The following TMEM132E variants were observed in gnomAD, a reference collection of about 807,000 sequenced individuals.
TMEM132E encodes transmembrane protein 132E.
A neutral mutation model predicts 78.5 loss-of-function variants in TMEM132E; 49 were observed. That is an observed-to-expected ratio of 0.62 (90% CI 0.50 to 0.79). The LOEUF (loss-of-function observed/expected upper bound fraction) is 0.79, where lower values mean the gene tolerates loss of function less well. Ranked by LOEUF, TMEM132E falls within the 30% of genes least tolerant of loss-of-function variation. TMEM132E has a pLI of 0.00. For missense variants in TMEM132E, 1,403 were observed against 1,470.9 expected (o/e 0.95, Z 0.75); for synonymous variants, 715 against 670.6 (o/e 1.07, Z -1.02).
Position 34,580,995 on chromosome 17 carries a change from G to T in TMEM132E, c.-82G>T. On this transcript the variant is annotated 5_prime_UTR_variant, in exon 1 of 9. Coordinates refer to ENST00000631683, the MANE Select transcript of TMEM132E (RefSeq NM_001304438.2). ...CAGCCGGGCGCCACGGCAGCCCTGAGTTGGATGTGACCAAGCCCAGCCTGG... is the reference window on the plus strand; with the variant it reads ...CAGCCGGGCGCCACGGCAGCCCTGATTTGGATGTGACCAAGCCCAGCCTGG... 1 of 1,250,320 alleles carries T rather than the reference G, an allele frequency of 8.0e-7. No homozygotes were observed. The highest frequency in any genetic ancestry group is 1.5e-5 in the South Asian group (1 of 66,736). 77.5% of individuals were successfully genotyped at this position (1,250,320 alleles called of 1,614,324 possible). A position where few individuals can be genotyped will look rare whatever the true frequency, so the allele number is the denominator to read the frequency against.
At position 34,635,081 on chromosome 17, in the gene TMEM132E, C is replaced by A. The variant is rs1360234182; in HGVS notation, c.1971C>A (p.Pro657=). The change falls in exon 7 of 9, where the codon CCC becomes CCA. Residue 657 remains proline (P), a synonymous_variant. Coordinates refer to ENST00000631683, the MANE Select transcript of TMEM132E (RefSeq NM_001304438.2). The part of the protein sequence containing the change: ...TLAGLEPGTT[P]FKVVSPLTEA... ...CAGGACTGGAGCCAGGCACCACCCC[C>A]TTTAAGGTAGGTATGGGCTCTGTCC... The A allele has an allele frequency of 6.2e-7, 1 of 1,611,650 alleles. No homozygotes were observed. The highest frequency in any genetic ancestry group is 8.5e-7 in the Non-Finnish European group (1 of 1,178,768).
chr17:34,632,905 C>A lies in TMEM132E; in HGVS notation c.1684C>A (p.Arg562=). 6.2e-7 allele frequency: 1 copy of A among 1,614,076 alleles called. No homozygotes were observed. Among genetic ancestry groups the A allele is most frequent in the South Asian group, 1.1e-5 (1 of 91,062 alleles). ...CTGGAGGGTACCTATCCTCCCCGACCGGAGGTACAGCCCCTCTCCCATGGC... is the reference window on the plus strand; with the variant it reads ...CTGGAGGGTACCTATCCTCCCCGACAGGAGGTACAGCCCCTCTCCCATGGC... The part of the protein sequence containing the change: ...KGWRVPILPD[R]RSVRESEDED... Residue 562 remains arginine, a synonymous_variant, in exon 6 of 9, where the codon CGG becomes AGG. Coordinates refer to ENST00000631683, the MANE Select transcript of TMEM132E (RefSeq NM_001304438.2).
At chr17:34,629,918 G>GGC (rs1907295407) in intron 4 of TMEM132E, 90 bp from the exon 5 acceptor site, 2 of 1,414,878 alleles carry the variant, frequency 1.4e-6, no homozygotes, top group East Asian at 5.0e-5. Context: ...GAGGAGTGGG[G>GGC]GGGGAGCGTC....
chr17:34,612,158 G>A (rs1906611680), intron 1 of TMEM132E, among the ~76,000 whole-genome samples: 1 of 152,150 alleles, frequency 6.6e-6, no homozygotes, highest in African/African-American at 2.4e-5. Context: ...TCAGGAAGGG[G>A]GCTGTCCTTC....
chr17:34,601,876 G>A (rs1906252705), intron 1 of TMEM132E, among the ~76,000 whole-genome samples: 3 of 152,140 alleles, frequency 2.0e-5, no homozygotes, highest in South Asian at 2.1e-4. Context: ...CATCCCTGCC[G>A]ATGCCTCAGG....
chr17:34,613,168 T>TA (rs1338414514), intron 1 of TMEM132E, among the ~76,000 whole-genome samples: 17 of 114,884 alleles, frequency 1.5e-4, no homozygotes, highest in Non-Finnish European at 2.4e-4. Context: ...TCTCTCTCTC[T>TA]CTCTCTACAC....
At chr17:34,585,529 T>C (rs920410383) in intron 1 of TMEM132E, among the ~76,000 whole-genome samples, 2 of 152,152 alleles carry the variant, frequency 1.3e-5, no homozygotes, top group Admixed American at 6.5e-5. Flanking sequence ...TCCAACCTCA[T>C]GTGGATGAGG....
intron 4 of TMEM132E, 71 bp from the exon 5 acceptor site, chr17:34,629,936 TG>T: frequency 1.3e-6 from 2 of 1,488,070 alleles, no homozygotes. Flanking sequence ...GTCCAGGAGC[TG>T]GGGCCTTGGC....
Position 34,580,727 on chromosome 17 carries a change from T to C in TMEM132E, c.-350T>C. The C allele has an allele frequency of 4.1e-6, 1 of 242,178 alleles. No individual in the cohort carries two copies. The highest frequency in any genetic ancestry group is 7.9e-6 in the Non-Finnish European group (1 of 125,822). The allele number at this position is 242,178 out of a possible 1,614,324, so 15.0% of individuals were successfully genotyped here. ...CGAGCTGGGCCGTGAGGCCGGGAGATTCAGCACTGGGCTCTAGGTAGCCCC... is the reference window on the plus strand; with the variant it reads ...CGAGCTGGGCCGTGAGGCCGGGAGACTCAGCACTGGGCTCTAGGTAGCCCC... On this transcript the variant is annotated 5_prime_UTR_variant, in exon 1 of 9. Transcript: ENST00000631683.
intron 1 of TMEM132E, among the ~76,000 whole-genome samples, chr17:34,607,375 G>C (rs1405140881): frequency 6.6e-6 from 1 of 152,164 alleles, no homozygotes; most frequent in African/African-American, 2.4e-5. Flanking sequence ...GGGTTGACTT[G>C]GGGAGGACCC....
Position 34,626,948 on chromosome 17 carries a change from C to A in TMEM132E, c.889C>A (p.Arg297Ser), listed in dbSNP as rs990374344. 1 of 1,613,834 alleles carries A rather than the reference C, an allele frequency of 6.2e-7. No individual in the cohort carries two copies. Among genetic ancestry groups the A allele is most frequent in the African/African-American group, 1.3e-5 (1 of 75,054 alleles). ...CAGGCTGGACAGCAACCTGATGATC[C>A]GCCTGCCAGACCGGCCCCTCAAGCC... ...EHRLDSNLMIRLPDRPLKPGE... is the reference protein window; with the variant it reads ...EHRLDSNLMISLPDRPLKPGE... Residue 297 changes from arginine to serine, a missense_variant, in exon 2 of 9, where the codon CGC (arginine) becomes AGC (serine). By Grantham distance (110) the Arg-to-Ser change is moderately radical. This residue lies in a region of TMEM132E where 511 missense variants were observed against 499.0 expected (regional missense o/e 1.02). Transcript: ENST00000631683.
Position 34,632,941 on chromosome 17 carries a change from G to A in TMEM132E, c.1688+32G>A, listed in dbSNP as rs201950677. 3 of 1,611,516 alleles carry A rather than the reference G, an allele frequency of 1.9e-6. No homozygotes were observed. In the African/African-American group the frequency reaches 4.0e-5, roughly 21 times the overall value. On this transcript the variant is annotated intron_variant, in intron 6 of 8. Coordinates refer to ENST00000631683, the MANE Select transcript of TMEM132E (RefSeq NM_001304438.2). ...CCCCTCTCCCATGGCGGATACTTGGGAAACTCATGGGTGGATACAGCCTCG... is the reference window on the plus strand; with the variant it reads ...CCCCTCTCCCATGGCGGATACTTGGAAAACTCATGGGTGGATACAGCCTCG...
chr17:34,618,149 A>G (rs1390069699), intron 1 of TMEM132E, among the ~76,000 whole-genome samples: 2 of 152,246 alleles, frequency 1.3e-5, no homozygotes, highest in Non-Finnish European at 2.9e-5. Context: ...CATTTATTTA[A>G]TCTAACTCTG....
intron 1 of TMEM132E, among the ~76,000 whole-genome samples, chr17:34,616,740 T>TAAGACCC (rs1906792796): frequency 6.6e-6 from 1 of 152,140 alleles, no homozygotes; most frequent in Non-Finnish European, 1.5e-5. Context: ...GACATCTCCC[T>TAAGACCC]CAGACCCCAG....
chr17:34,617,613 T>C (rs1271810014), intron 1 of TMEM132E, among the ~76,000 whole-genome samples: 2 of 152,226 alleles, frequency 1.3e-5, no homozygotes, highest in Non-Finnish European at 2.9e-5. Context: ...GTGAAATAGG[T>C]TCTAAGCTCT....
At chr17:34,586,641 C>CCCA (rs914008491) in intron 1 of TMEM132E, among the ~76,000 whole-genome samples, 1 of 152,062 alleles carries the variant, frequency 6.6e-6, no homozygotes, top group Non-Finnish European at 1.5e-5. Context: ...CTTTCAGCTC[C>CCCA]CCACCACCAC....
At chr17:34,583,629 T>C (rs1192663847) in intron 1 of TMEM132E, among the ~76,000 whole-genome samples, 5 of 152,212 alleles carry the variant, frequency 3.3e-5, no homozygotes, top group African/African-American at 1.2e-4. Context: ...GTTGCAGTTT[T>C]CTGTGCCTGG....
chr17:34,596,286 G>A (rs555975570), intron 1 of TMEM132E, among the ~76,000 whole-genome samples: 25 of 152,340 alleles, frequency 1.6e-4, no homozygotes, highest in African/African-American at 6.0e-4. Flanking sequence ...CTTACACCAT[G>A]TAAGCCTCAT....
intron 1 of TMEM132E, 122 bp downstream of exon 1, chr17:34,581,265 G>C: frequency 2.1e-6 from 2 of 944,312 alleles, no homozygotes; most frequent in Non-Finnish European, 1.4e-6. Flanking sequence ...TCCGGGTTTG[G>C]CGTCTCTGGC....
Sources: gnomAD v4.1 joint callset for allele counts (sites outside exome capture counted in the v4.1 genomes callset) on GRCh38, gnomAD v4.1.1 for gene constraint, gnomAD v4.1.1 regional missense constraint, MANE v1.5 for transcripts, NCBI Gene and HGNC (gene_info 2026-07-23, HGNC 2026-07-21) for gene names.